TTLL5: variants seen among roughly 807,000 people sequenced by gnomAD.
The protein encoded by TTLL5 is tubulin tyrosine ligase like 5, also known as tubulin polyglutamylase TTLL5.
TTLL5 carries 132 observed loss-of-function variants against 168.4 expected under a neutral mutation model. The ratio of observed to expected loss-of-function variants is 0.78; its 90% confidence interval spans 0.68 to 0.91. The LOEUF (loss-of-function observed/expected upper bound fraction) is 0.91. Among genes scored for constraint, TTLL5 ranks in the 40% least tolerant of loss-of-function variants. The pLI, the probability that TTLL5 is intolerant of heterozygous loss-of-function variation, is 0.00. For missense variants in TTLL5, 1,545 were observed against 1,581.5 expected (o/e 0.98, Z 0.39); for synonymous variants, 546 against 558.6 (o/e 0.98, Z 0.32).
At chr14:75,732,109 C>T (rs1292415687) in intron 12 of TTLL5, 2 of 441,518 alleles carry the variant, frequency 4.5e-6, no homozygotes, top group Non-Finnish European at 8.0e-6. Flanking sequence ...ATAGACACTG[C>T]ATGATAAAAA....
rs113308977 is a variant in TTLL5 at position 75,683,436 on chromosome 14, C to T, written c.265-114C>T. 8.0e-4 allele frequency: 644 copies of T among 801,150 alleles called. 6 individuals carry two copies. The African/African-American group carries it at 9.2e-3, about 11-fold the overall frequency. The allele number at this position is 801,150 out of a possible 1,614,324, so 49.6% of individuals were successfully genotyped here. ...GGCTCACGTACTAATTGGGCCACCC[C>T]GGTGAGTACACTGTGGATGAAAAAA... On this transcript the variant is annotated intron_variant, in intron 4 of 31. Transcript: ENST00000298832.
Position 75,902,680 on chromosome 14 carries a change from G to C in TTLL5, c.3823+456G>C. The C allele has an allele frequency of 8.8e-6, 4 of 454,176 alleles. No individual in the cohort carries two copies. The Middle Eastern group carries it at 1.3e-3, about 149-fold the overall frequency. 28.1% of individuals were successfully genotyped at this position (454,176 alleles called of 1,614,324 possible). ...GCTGGAGCTCTGGTCTTTGATCTAC[G>C]TGTTGTGCTAATGCCATGGTCTGTG... On this transcript the variant is annotated intron_variant, in intron 31 of 31. Coordinates refer to ENST00000298832, the MANE Select transcript of TTLL5 (RefSeq NM_015072.5).
At chr14:75,885,182 T>A (rs1401170353) in intron 30 of TTLL5, among the ~76,000 whole-genome samples, 1 of 136,138 alleles carries the variant, frequency 7.3e-6, no homozygotes, top group Non-Finnish European at 1.6e-5. Context: ...CTCAAAAAAA[T>A]AATTAATTAA....
intron 31 of TTLL5, among the ~76,000 whole-genome samples, chr14:75,905,180 G>A (rs904916406): frequency 6.6e-5 from 10 of 152,210 alleles, no homozygotes; most frequent in Non-Finnish European, 5.9e-5. Flanking sequence ...TGGGAAGCGT[G>A]TGCCTATGTA....
intron 31 of TTLL5, among the ~76,000 whole-genome samples, chr14:75,947,863 C>T (rs2034824794): frequency 6.6e-6 from 1 of 151,668 alleles, no homozygotes; most frequent in South Asian, 2.1e-4. Context: ...ATGCTTGAGC[C>T]CAGGAGGTTT....
intron 1 of TTLL5, among the ~76,000 whole-genome samples, chr14:75,662,203 C>A (rs1337736022): frequency 6.6e-6 from 1 of 152,036 alleles, no homozygotes; most frequent in Admixed American, 6.5e-5. Flanking sequence ...TTATATGGAC[C>A]TTTGATTCAA....
intron 28 of TTLL5, among the ~76,000 whole-genome samples, chr14:75,852,958 A>G (rs1344117648): frequency 6.6e-6 from 1 of 152,196 alleles, no homozygotes; most frequent in African/African-American, 2.4e-5. Flanking sequence ...TCTAAGTGCA[A>G]TTCAGCTTTT....
chr14:75,818,791 G>T (rs551140767), intron 27 of TTLL5, among the ~76,000 whole-genome samples: 7 of 151,672 alleles, frequency 4.6e-5, no homozygotes, highest in Admixed American at 4.6e-4. Context: ...GAGCCACCAC[G>T]CCCGGACTAT....
At chr14:75,799,181 T>G (rs1046134314) in intron 27 of TTLL5, among the ~76,000 whole-genome samples, 2 of 152,164 alleles carry the variant, frequency 1.3e-5, no homozygotes, top group Non-Finnish European at 2.9e-5. Flanking sequence ...GATTGTGATA[T>G]TTTCCTATTG....
In TTLL5 at chr14:75,663,318, T is replaced by C. The variant is rs1004052397; in HGVS notation, c.74+95T>C. 3 of 1,189,170 alleles carry C rather than the reference T, an allele frequency of 2.5e-6. No individual in the cohort carries two copies. In the African/African-American group the frequency reaches 4.6e-5, roughly 18 times the overall value. 73.7% of individuals were successfully genotyped at this position (1,189,170 alleles called of 1,614,324 possible). ...TTTACTATATACTCTTCTCTTTTAC[T>C]TATGTACTCTTTTATCTAGTGTCAT... On this transcript the variant is annotated intron_variant, in intron 2 of 31. Transcript: ENST00000298832.
intron 3 of TTLL5, among the ~76,000 whole-genome samples, chr14:75,673,738 C>T (rs1171672121): frequency 6.6e-6 from 1 of 152,050 alleles, no homozygotes; most frequent in East Asian, 1.9e-4. Context: ...TTGTCTTGTC[C>T]CTTAATAAGT....
chr14:75,852,329 C>T (rs1224650514), intron 28 of TTLL5, among the ~76,000 whole-genome samples: 2 of 152,178 alleles, frequency 1.3e-5, no homozygotes, highest in South Asian at 2.1e-4. Context: ...TTTTTGTCTT[C>T]TTTCTTGGAT....
chr14:75,770,056 T>C (rs894808032), intron 20 of TTLL5, among the ~76,000 whole-genome samples: 3 of 151,096 alleles, frequency 2.0e-5, no homozygotes, highest in African/African-American at 7.3e-5. Context: ...TGAGCACCTG[T>C]AATCTTAGCT....
At position 75,954,563 on chromosome 14, in the gene TTLL5, C is replaced by A; in HGVS notation, c.*117C>A. On this transcript the variant is annotated 3_prime_UTR_variant, in exon 32 of 32. Coordinates refer to ENST00000298832, the MANE Select transcript of TTLL5 (RefSeq NM_015072.5). The stretch of plus-strand genomic sequence containing the variant: ...ATTTTTTTTTTTGCTGCCTCAAAGT[C>A]CCCAAAGCCTTCGAGCAGAAGTGGC... 2.6e-6 allele frequency: 3 copies of A among 1,166,430 alleles called. No individual in the cohort carries two copies. The highest frequency in any genetic ancestry group is 1.3e-5 in the South Asian group (1 of 75,492). The allele number at this position is 1,166,430 out of a possible 1,614,324, so 72.3% of individuals were successfully genotyped here. A position where few individuals can be genotyped will look rare whatever the true frequency, so the allele number is the denominator to read the frequency against.
At chr14:75,662,734 T>A (rs1890831460) in intron 1 of TTLL5, among the ~76,000 whole-genome samples, 1 of 152,228 alleles carries the variant, frequency 6.6e-6, no homozygotes, top group African/African-American at 2.4e-5. Flanking sequence ...ATCAGTCACC[T>A]GCCTCAAACT....
At chr14:75,709,615 T>C (rs899100975) in intron 9 of TTLL5, 6 of 172,030 alleles carry the variant, frequency 3.5e-5, no homozygotes, top group Non-Finnish European at 7.5e-5. Flanking sequence ...AATCAGGTTT[T>C]TATAGGAAAG....
At chr14:75,890,343 T>G (rs1480693759) in intron 30 of TTLL5, among the ~76,000 whole-genome samples, 1 of 152,210 alleles carries the variant, frequency 6.6e-6, no homozygotes, top group African/African-American at 2.4e-5. Context: ...GTAAAATTAG[T>G]TAAGTTCAAA....
chr14:75,904,180 G>T (rs564754818), intron 31 of TTLL5: 2 of 1,248,470 alleles, frequency 1.6e-6, no homozygotes, highest in East Asian at 6.1e-5. Flanking sequence ...TACTTGATGG[G>T]TATCTATTCA....
intron 12 of TTLL5, among the ~76,000 whole-genome samples, chr14:75,726,232 G>GT (rs1325486601): frequency 2.6e-5 from 4 of 151,956 alleles, no homozygotes; most frequent in Non-Finnish European, 5.9e-5. Flanking sequence ...CTTTTATCAG[G>GT]TTTTTTCTTA....
Sources: allele counts gnomAD v4.1 joint callset (sites outside exome capture counted in the v4.1 genomes callset), GRCh38; gene constraint gnomAD v4.1.1; transcripts MANE v1.5; gene names NCBI Gene and HGNC (gene_info 2026-07-23, HGNC 2026-07-21).